The following ATP1B3 variants were observed in gnomAD, a reference collection of about 807,000 sequenced individuals.
ATP1B3 encodes the protein ATPase Na+/K+ transporting subunit beta 3.
A neutral mutation model predicts 30.2 loss-of-function variants in ATP1B3; 10 were observed. That is an observed-to-expected ratio of 0.33 (90% CI 0.20 to 0.56). The LOEUF is 0.56. Ranked by LOEUF, ATP1B3 falls within the 20% of genes least tolerant of loss-of-function variation. The pLI is 0.90. For missense variants in ATP1B3, 238 were observed against 336.7 expected (o/e 0.71, Z 2.29); for synonymous variants, 113 against 117.0 (o/e 0.97, Z 0.22).
At chr3:141,893,530 A>G (rs982118397) in intron 1 of ATP1B3, among the ~76,000 whole-genome samples, 1 of 152,088 alleles carries the variant, frequency 6.6e-6, no homozygotes, top group African/African-American at 2.4e-5. Context: ...CTGTTAGCCC[A>G]CTGTCATAGA....
chr3:141,907,131 G>A (rs142238487), intron 2 of ATP1B3, 36 bp from the exon 3 acceptor site: 15,133 of 1,488,794 alleles, frequency 0.01, 120 homozygotes, highest in Non-Finnish European at 0.012. Flanking sequence ...AGAAGAGAAG[G>A]AAATTTGATA....
intron 1 of ATP1B3, among the ~76,000 whole-genome samples, chr3:141,897,796 G>A (rs982821537): frequency 2.6e-5 from 4 of 152,098 alleles, no homozygotes; most frequent in Non-Finnish European, 5.9e-5. Context: ...TGCAACCTCT[G>A]CCTCCTAGGC....
At chr3:141,879,959 G>GA (rs1474150949) in intron 1 of ATP1B3, among the ~76,000 whole-genome samples, 5 of 150,948 alleles carry the variant, frequency 3.3e-5, no homozygotes, top group East Asian at 1.9e-4. Context: ...GGGGTGGAAG[G>GA]AAAAAAAATC....
At chr3:141,917,535 A>G (rs942445652) in intron 5 of ATP1B3, among the ~76,000 whole-genome samples, 1 of 151,902 alleles carries the variant, frequency 6.6e-6, no homozygotes, top group Non-Finnish European at 1.5e-5. Flanking sequence ...CTCTACTAAA[A>G]TACAGAAAAT....
At chr3:141,902,233 TG>T (rs5853057) in intron 1 of ATP1B3, 177,238 of 1,280,200 alleles carry the variant, frequency 0.14, 13,037 homozygotes, top group Non-Finnish European at 0.15. Flanking sequence ...ACCTGGTAAT[TG>T]GGGGGGAGGG....
intron 3 of ATP1B3, 148 bp from the exon 4 acceptor site, chr3:141,913,504 C>G: frequency 1.6e-6 from 1 of 631,658 alleles, no homozygotes; most frequent in Non-Finnish European, 2.6e-6. Flanking sequence ...GGTAAAGGGG[C>G]AAACTTAACA....
intron 4 of ATP1B3, among the ~76,000 whole-genome samples, chr3:141,915,220 T>G (rs1934432054): frequency 6.6e-6 from 1 of 152,170 alleles, no homozygotes; most frequent in Non-Finnish European, 1.5e-5. Flanking sequence ...CATGGCTTTG[T>G]CAGGAGGACA....
At chr3:141,920,518 C>T (rs1934547856) in intron 5 of ATP1B3, among the ~76,000 whole-genome samples, 1 of 150,668 alleles carries the variant, frequency 6.6e-6, no homozygotes, top group Non-Finnish European at 1.5e-5. Context: ...CAGAGTGAGA[C>T]TCTGTCTCAA....
At chr3:141,889,832 T>TAC (rs1933908724) in intron 1 of ATP1B3, among the ~76,000 whole-genome samples, 1 of 145,890 alleles carries the variant, frequency 6.9e-6, no homozygotes, top group Admixed American at 6.9e-5. Context: ...TACATATACA[T>TAC]ATATATATAT....
chr3:141,879,779 A>AAAAAAAAAAAAAAAACC (rs111928466), intron 1 of ATP1B3, among the ~76,000 whole-genome samples: 1 of 126,052 alleles, frequency 7.9e-6, no homozygotes, highest in South Asian at 2.5e-4. Context: ...TCTCCATCTC[A>AAAAAAAAAAAAAAAACC]AAAAAAAAAA....
intron 1 of ATP1B3, among the ~76,000 whole-genome samples, chr3:141,895,946 T>C (rs1435792955): frequency 1.3e-5 from 2 of 152,186 alleles, no homozygotes; most frequent in East Asian, 3.9e-4. Context: ...CATTATAGTT[T>C]TGATTTCTCT....
rs182080039 is a variant in ATP1B3 at position 141,907,144 on chromosome 3, C to A, written c.239-23C>A. On this transcript the variant is annotated intron_variant, in intron 2 of 6. Coordinates refer to ENST00000286371, the MANE Select transcript of ATP1B3 (RefSeq NM_001679.4). ...AAAGAAGAGAAGGAAATTTGATAAT[C>A]TCTCCCTTTTATGTCTTTATAGGAC... The A allele has an allele frequency of 3.7e-4, 566 of 1,526,184 alleles. 3 individuals carry two copies. The African/African-American group carries it at 7.0e-3, about 19-fold the overall frequency. The allele number at this position is 1,526,184 out of a possible 1,614,324, so 94.5% of individuals were successfully genotyped here. A position where few individuals can be genotyped will look rare whatever the true frequency, so the allele number is the denominator to read the frequency against.
intron 1 of ATP1B3, among the ~76,000 whole-genome samples, chr3:141,879,835 T>TTTTTTTA (rs1933688308): frequency 1.5e-5 from 2 of 136,468 alleles, no homozygotes; most frequent in African/African-American, 2.6e-5. Context: ...TTTTTTTTTT[T>TTTTTTTA]AAGAAAAACA....
At position 141,884,602 on chromosome 3, in the gene ATP1B3, G is replaced by A. The variant is rs1299041695; in HGVS notation, c.109+7692G>A. ...GGCAGACCCACTCTTAATTGGGTGG[G>A]CACTGTCTAATCAGCTGCCAGCAAA... On this transcript the variant is annotated intron_variant, in intron 1 of 6. Transcript: ENST00000286371. 2.0e-5 allele frequency among the ~76,000 whole-genome samples: 3 copies of A among 152,166 alleles called. No homozygotes were observed. In the South Asian group the frequency reaches 6.2e-4, roughly 32 times the overall value.
At chr3:141,912,262 G>A (rs1378195995) in intron 3 of ATP1B3, among the ~76,000 whole-genome samples, 2 of 151,692 alleles carry the variant, frequency 1.3e-5, no homozygotes, top group South Asian at 2.1e-4. Context: ...TTTGAAATTT[G>A]GTTCTTATTT....
intron 5 of ATP1B3, among the ~76,000 whole-genome samples, chr3:141,919,692 A>G (rs1414060829): frequency 1.3e-5 from 2 of 152,174 alleles, no homozygotes; most frequent in East Asian, 3.8e-4. Flanking sequence ...TAATTCCAGC[A>G]CTTTGGGAGG....
intron 6 of ATP1B3, among the ~76,000 whole-genome samples, chr3:141,922,696 A>T (rs6769618): frequency 6.6e-6 from 1 of 151,958 alleles, no homozygotes; most frequent in Non-Finnish European, 1.5e-5. Context: ...GGCCAGGCGC[A>T]GTGGCTCACC....
intron 1 of ATP1B3, among the ~76,000 whole-genome samples, chr3:141,894,870 A>G (rs1038142305): frequency 2.0e-5 from 3 of 152,190 alleles, no homozygotes; most frequent in Non-Finnish European, 4.4e-5. Flanking sequence ...ATAGCAGTTT[A>G]TTATCATTAT....
chr3:141,877,273 G>A (rs1933623116), intron 1 of ATP1B3, among the ~76,000 whole-genome samples: 1 of 132,912 alleles, frequency 7.5e-6, no homozygotes, highest in African/African-American at 2.8e-5. Context: ...CCGAGCCCCC[G>A]GGCCTCCTTT....
Sources: allele counts gnomAD v4.1 joint callset (sites outside exome capture counted in the v4.1 genomes callset), GRCh38; gene constraint gnomAD v4.1.1; transcripts MANE v1.5; gene names NCBI Gene and HGNC (gene_info 2026-07-23, HGNC 2026-07-21).